The following SMURF1 variants were observed in gnomAD, a reference collection of about 807,000 sequenced individuals.
SMURF1 encodes the protein SMAD specific E3 ubiquitin protein ligase 1.
A neutral mutation model predicts 98.0 loss-of-function variants in SMURF1; 44 were observed. That is an observed-to-expected ratio of 0.45 (90% CI 0.35 to 0.58). SMURF1 has a LOEUF of 0.58. SMURF1 is among the 20% of genes least tolerant of loss of function. The pLI is 0.00. For missense variants in SMURF1, 687 were observed against 938.4 expected (o/e 0.73, Z 3.50); for synonymous variants, 396 against 374.9 (o/e 1.06, Z -0.65).
At chr7:99,108,776 GAAGAAGTTTAGT>G (rs534146177) in intron 1 of SMURF1, among the ~76,000 whole-genome samples, 83 of 152,166 alleles carry the variant, frequency 5.5e-4, no homozygotes, top group African/African-American at 1.9e-3. Context: ...TTAAATCAAG[GAAGAAGTTTAGT>G]AAGAAGGCTC....
chr7:99,058,487 A>G (rs1363414738), intron 3 of SMURF1, among the ~76,000 whole-genome samples: 1 of 152,170 alleles, frequency 6.6e-6, no homozygotes, highest in East Asian at 1.9e-4. Context: ...AATTCTCACC[A>G]ATTAGGTTTG....
intron 1 of SMURF1, among the ~76,000 whole-genome samples, chr7:99,102,645 T>A (rs1797107681): frequency 6.6e-6 from 1 of 152,224 alleles, no homozygotes; most frequent in African/African-American, 2.4e-5. Flanking sequence ...CTTATACTTT[T>A]AAATTATGTA....
chr7:99,080,016 A>T (rs1796547266), intron 1 of SMURF1, among the ~76,000 whole-genome samples: 1 of 151,876 alleles, frequency 6.6e-6, no homozygotes. Context: ...AAAAGAACAA[A>T]CCTTTTTAAG....
At chr7:99,067,412 C>T (rs1160297222) in intron 1 of SMURF1, among the ~76,000 whole-genome samples, 1 of 152,078 alleles carries the variant, frequency 6.6e-6, no homozygotes, top group African/African-American at 2.4e-5. Context: ...TCAGTGTGGA[C>T]CAATGCATGT....
At chr7:99,070,302 G>C (rs1796287743) in intron 1 of SMURF1, among the ~76,000 whole-genome samples, 1 of 152,122 alleles carries the variant, frequency 6.6e-6, no homozygotes, top group African/African-American at 2.4e-5. Flanking sequence ...AATACTATCT[G>C]TGTGATCCTT....
chr7:99,031,468 A>G (rs1339088849), intron 17 of SMURF1: 1 of 152,214 alleles, frequency 6.6e-6, no homozygotes, highest in East Asian at 1.9e-4. Flanking sequence ...TTTCTAGGGT[A>G]AGCAATTAAG....
intron 1 of SMURF1, among the ~76,000 whole-genome samples, chr7:99,118,578 T>C (rs1211000144): frequency 1.3e-5 from 2 of 152,158 alleles, no homozygotes; most frequent in East Asian, 1.9e-4. Flanking sequence ...TCATGAAACA[T>C]GTAGAACAGG....
At chr7:99,063,234 GATTTATTT>G (rs1796080710) in intron 1 of SMURF1, among the ~76,000 whole-genome samples, 1 of 20,468 alleles carries the variant, frequency 4.9e-5, no homozygotes, top group African/African-American at 1.3e-4. Context: ...ATATATATAA[GATTTATTT>G]ATATATATAT....
intron 1 of SMURF1, among the ~76,000 whole-genome samples, chr7:99,088,170 A>C (rs1796725165): frequency 6.6e-6 from 1 of 151,926 alleles, no homozygotes; most frequent in African/African-American, 2.4e-5. Context: ...AGGCAGGAGA[A>C]TCACTTGAAC....
intron 1 of SMURF1, among the ~76,000 whole-genome samples, chr7:99,117,761 A>G (rs1252713108): frequency 6.6e-6 from 1 of 152,136 alleles, no homozygotes; most frequent in African/African-American, 2.4e-5. Flanking sequence ...ATATTTGGAA[A>G]TCATATATCT....
At chr7:99,104,823 G>A (rs1300317096) in intron 1 of SMURF1, among the ~76,000 whole-genome samples, 1 of 152,194 alleles carries the variant, frequency 6.6e-6, no homozygotes, top group African/African-American at 2.4e-5. Flanking sequence ...CAGTGGCAAT[G>A]ACAGCAATAG....
chr7:99,139,765 A>G (rs1257163183), intron 1 of SMURF1, among the ~76,000 whole-genome samples: 1 of 152,244 alleles, frequency 6.6e-6, no homozygotes, highest in African/African-American at 2.4e-5. Flanking sequence ...CTACTAAAAT[A>G]CCACAAAAAC....
chr7:99,115,945 T>G (rs1797435923), intron 1 of SMURF1, among the ~76,000 whole-genome samples: 1 of 152,058 alleles, frequency 6.6e-6, no homozygotes, highest in South Asian at 2.1e-4. Context: ...ATTTCCTAAC[T>G]CATTCTGTGA....
At chr7:99,113,846 A>G in intron 1 of SMURF1, among the ~76,000 whole-genome samples, 1 of 149,520 alleles carries the variant, frequency 6.7e-6, no homozygotes, top group Non-Finnish European at 1.5e-5. Flanking sequence ...CTAAAAAAAA[A>G]AAAAAAAAAA....
chr7:99,109,577 C>T (rs1797275834), intron 1 of SMURF1, among the ~76,000 whole-genome samples: 1 of 152,210 alleles, frequency 6.6e-6, no homozygotes, highest in Non-Finnish European at 1.5e-5. Flanking sequence ...TTTTCCCCAG[C>T]CCTGGAAGTG....
At chr7:99,078,810 G>A (rs1276394129) in intron 1 of SMURF1, among the ~76,000 whole-genome samples, 1 of 152,098 alleles carries the variant, frequency 6.6e-6, no homozygotes, top group Non-Finnish European at 1.5e-5. Flanking sequence ...ACAAGTTCAG[G>A]GCTCCCACTG....
chr7:99,110,641 C>G (rs1797296755), intron 1 of SMURF1, among the ~76,000 whole-genome samples: 1 of 152,230 alleles, frequency 6.6e-6, no homozygotes, highest in Admixed American at 6.5e-5. Flanking sequence ...AATGTTACAA[C>G]ACCTACGTAG....
chr7:99,051,209 G>A (rs902642622), intron 8 of SMURF1, 148 bp downstream of exon 8: 19 of 819,282 alleles, frequency 2.3e-5, no homozygotes, highest in African/African-American at 1.9e-4. Flanking sequence ...CCCCACCCCA[G>A]CTTATCTGAA....
chr7:99,141,290 T>C (rs1165619782), intron 1 of SMURF1, among the ~76,000 whole-genome samples: 1 of 152,252 alleles, frequency 6.6e-6, no homozygotes, highest in East Asian at 1.9e-4. Flanking sequence ...TTGATTAATA[T>C]ACATACACCA....
Sources: allele counts gnomAD v4.1 joint callset (sites outside exome capture counted in the v4.1 genomes callset), GRCh38; gene constraint gnomAD v4.1.1; transcripts MANE v1.5; gene names NCBI Gene and HGNC (gene_info 2026-07-23, HGNC 2026-07-21).